The following ANO3 variants were observed in gnomAD, a reference collection of about 807,000 sequenced individuals.
ANO3 encodes anoctamin-3.
In ANO3, 99 loss-of-function variants were observed where a neutral mutation model predicts 144.8. The observed-to-expected ratio is 0.68, with a 90% CI of 0.58 to 0.81. The LOEUF (loss-of-function observed/expected upper bound fraction) is 0.81. Ranked by LOEUF, ANO3 falls within the 30% of genes least tolerant of loss-of-function variation. The pLI is 0.00. For synonymous variants in ANO3, 414 were observed against 392.6 expected (o/e 1.05, Z -0.64); for missense variants, 905 against 1,202.2 (o/e 0.75, Z 3.66).
At chr11:26,525,789 T>C in intron 7 of ANO3, 110 bp downstream of exon 7, 1 of 763,698 alleles carries the variant, frequency 1.3e-6, no homozygotes. Flanking sequence ...AGAAAAATTC[T>C]ATTGATTTGT....
chr11:26,217,920 G>A (rs1469776203), intron 1 of ANO3, among the ~76,000 whole-genome samples: 3 of 152,060 alleles, frequency 2.0e-5, no homozygotes, highest in African/African-American at 7.2e-5. Context: ...GAACCAAAAT[G>A]TTAAGTGAGA....
upstream of ANO3, among the ~76,000 whole-genome samples, chr11:26,306,125 A>ATT (rs57674074): frequency 5.7e-4 from 64 of 113,024 alleles, 1 homozygote; most frequent in Admixed American, 4.8e-4. Flanking sequence ...AGCCCGGATA[A>ATT]TTTTTTTTTT....
At chr11:26,260,787 T>A (rs1039793390) in intron 1 of ANO3, among the ~76,000 whole-genome samples, 1 of 152,084 alleles carries the variant, frequency 6.6e-6, no homozygotes, top group Non-Finnish European at 1.5e-5. Flanking sequence ...TGGCTTCAGA[T>A]CACTTTAATG....
chr11:26,379,034 G>A (rs1856502884), intron 1 of ANO3, among the ~76,000 whole-genome samples: 1 of 121,740 alleles, frequency 8.2e-6, no homozygotes, highest in South Asian at 2.7e-4. Flanking sequence ...ATAGCATTAT[G>A]AAACAGTGAG....
intron 4 of ANO3, chr11:26,473,980 G>T (rs1859871626): frequency 1.0e-6 from 1 of 985,162 alleles, no homozygotes. Context: ...CACTCAGTAT[G>T]TAACATTCTA....
At chr11:26,446,485 T>C (rs1448965264) in intron 3 of ANO3, among the ~76,000 whole-genome samples, 1 of 152,206 alleles carries the variant, frequency 6.6e-6, no homozygotes, top group Non-Finnish European at 1.5e-5. Flanking sequence ...TCATTGAGGA[T>C]TGATATTTCT....
intron 1 of ANO3, among the ~76,000 whole-genome samples, chr11:26,366,458 A>G (rs71462714): frequency 0.12 from 18,886 of 152,148 alleles, 1,327 homozygotes; most frequent in Admixed American, 0.19. Flanking sequence ...ATACATGTGC[A>G]TGTGTCTTTA....
intron 1 of ANO3, among the ~76,000 whole-genome samples, chr11:26,332,668 A>G (rs1440486832): frequency 2.0e-5 from 3 of 152,088 alleles, no homozygotes; most frequent in Non-Finnish European, 4.4e-5. Flanking sequence ...AATGTTCAAC[A>G]ATATCTGCCG....
At chr11:26,537,727 A>C (rs1849547700) in intron 10 of ANO3, among the ~76,000 whole-genome samples, 1 of 152,176 alleles carries the variant, frequency 6.6e-6, no homozygotes, top group Admixed American at 6.5e-5. Flanking sequence ...CTGCTCCAGT[A>C]CAGAGCTCCA....
intron 1 of ANO3, among the ~76,000 whole-genome samples, chr11:26,333,284 C>CT (rs34291798): frequency 0.02 from 2,656 of 134,402 alleles, 34 homozygotes; most frequent in Middle Eastern, 0.042. Context: ...AGCTCTTTGA[C>CT]TTTTTTTTTT....
At chr11:26,434,704 GTTGT>G (rs1858234600) in intron 1 of ANO3, among the ~76,000 whole-genome samples, 1 of 152,072 alleles carries the variant, frequency 6.6e-6, no homozygotes, top group African/African-American at 2.4e-5. Flanking sequence ...CAGGAAAATG[GTTGT>G]TTAATTTTCA....
At chr11:26,563,295 T>C (rs1156786527) in intron 14 of ANO3, 2 of 1,558,662 alleles carry the variant, frequency 1.3e-6, no homozygotes, top group Non-Finnish European at 8.6e-7. Flanking sequence ...TAAAGAAATA[T>C]AAAATAATTA....
intron 3 of ANO3, among the ~76,000 whole-genome samples, chr11:26,453,065 A>T (rs941392426): frequency 2.0e-5 from 3 of 151,974 alleles, no homozygotes; most frequent in African/African-American, 7.2e-5. Context: ...GCCCTAAAAG[A>T]GCTCCTGAAG....
At chr11:26,460,373 A>G (rs1389392655) in intron 3 of ANO3, among the ~76,000 whole-genome samples, 1 of 137,884 alleles carries the variant, frequency 7.3e-6, no homozygotes, top group African/African-American at 2.7e-5. Flanking sequence ...TCACCCAGAT[A>G]TTATGCTGAC....
intron 8 of ANO3, among the ~76,000 whole-genome samples, chr11:26,533,185 G>T (rs1475678436): frequency 6.6e-6 from 1 of 152,082 alleles, no homozygotes; most frequent in African/African-American, 2.4e-5. Context: ...TAAAATGCAC[G>T]TTTTGTAAGA....
chr11:26,440,728 TGGA>T (rs1858481295), intron 1 of ANO3, among the ~76,000 whole-genome samples: 2 of 152,072 alleles, frequency 1.3e-5, no homozygotes, highest in Non-Finnish European at 2.9e-5. Flanking sequence ...GGTAAAATTA[TGGA>T]GGGAAATGGG....
intron 7 of ANO3, 93 bp from the exon 8 acceptor site, chr11:26,531,112 A>T: frequency 7.2e-7 from 1 of 1,396,560 alleles, no homozygotes; most frequent in Non-Finnish European, 9.9e-7. Flanking sequence ...CTTTTCAAAG[A>T]AGTTTCTTTA....
At chr11:26,255,548 A>G (rs1853037867) in intron 1 of ANO3, among the ~76,000 whole-genome samples, 1 of 152,150 alleles carries the variant, frequency 6.6e-6, no homozygotes, top group African/African-American at 2.4e-5. Context: ...ACCTTGAGCC[A>G]TATTAATAGG....
At chr11:26,640,098 C>A (rs1356262789) in intron 21 of ANO3, among the ~76,000 whole-genome samples, 1 of 152,056 alleles carries the variant, frequency 6.6e-6, no homozygotes, top group Non-Finnish European at 1.5e-5. Flanking sequence ...ATTAACCCTG[C>A]AATCTGCTAT....
Sources: gnomAD v4.1 joint callset for allele counts (sites outside exome capture counted in the v4.1 genomes callset) on GRCh38, gnomAD v4.1.1 for gene constraint, MANE v1.5 for transcripts, NCBI Gene and HGNC (gene_info 2026-07-23, HGNC 2026-07-21) for gene names.